Variants in KLF12 observed in about 807,000 individuals in gnomAD.
The protein encoded by KLF12 is KLF transcription factor 12, also known as Krueppel-like factor 12.
Under a neutral mutation model 37.8 loss-of-function variants are expected in KLF12, and 9 were observed. The ratio of observed to expected loss-of-function variants is 0.24; its 90% CI spans 0.14 to 0.42. The LOEUF is 0.42. KLF12 is among the 10% of genes least tolerant of loss of function. The pLI is 1.00. For synonymous variants in KLF12, 208 were observed against 202.1 expected (o/e 1.03, Z -0.25); for missense variants, 411 against 516.0 (o/e 0.80, Z 1.97).
intron 1 of KLF12, among the ~76,000 whole-genome samples, chr13:74,096,874 T>C (rs187517622): frequency 3.3e-5 from 5 of 152,246 alleles, no homozygotes; most frequent in Admixed American, 2.0e-4. Flanking sequence ...TGGAAAACAG[T>C]TTATAATCTA....
At chr13:74,162,405 T>A in the KLF12 span, among the ~76,000 whole-genome samples, 1 of 152,246 alleles carries the variant, frequency 6.6e-6, no homozygotes, top group African/African-American at 2.4e-5. Flanking sequence ...ACTCAGTTTC[T>A]GCTCTACCAC....
chr13:74,051,658 C>G (rs1190694315), intron 1 of KLF12, among the ~76,000 whole-genome samples: 1 of 151,836 alleles, frequency 6.6e-6, no homozygotes, highest in Non-Finnish European at 1.5e-5. Context: ...GCCATCACAC[C>G]CCGCCCCTAA....
Position 73,687,626 on chromosome 13 carries a change from G to C in KLF12, c.*7864C>G, listed in dbSNP as rs528117256. 6.6e-6 allele frequency: 1 copy of C among 151,978 alleles called. No homozygotes were observed. Among genetic ancestry groups the C allele is most frequent in the Non-Finnish European group, 1.5e-5 (1 of 67,998 alleles). The allele number at this position is 151,978 out of a possible 1,614,324, so 9.4% of individuals were successfully genotyped here. A position where few individuals can be genotyped will look rare whatever the true frequency, so the allele number is the denominator to read the frequency against. ...TAGCAGAAAGGGAAGATGTTGGTAT[G>C]TCCCTAAAATATCTTACTTTTTGAT... On this transcript the variant is annotated 3_prime_UTR_variant, in exon 8 of 8. Transcript: ENST00000377669.
chr13:74,243,434 T>C, the KLF12 span, among the ~76,000 whole-genome samples: 1 of 152,226 alleles, frequency 6.6e-6, no homozygotes, highest in South Asian at 2.1e-4. Flanking sequence ...TGTGTCTTTA[T>C]AGTAGGATGA....
At chr13:74,027,155 A>C (rs184756971) in intron 1 of KLF12, among the ~76,000 whole-genome samples, 1 of 152,356 alleles carries the variant, frequency 6.6e-6, no homozygotes, top group Non-Finnish European at 1.5e-5. Context: ...ATACGAATCA[A>C]CTGCTTATCA....
the KLF12 span, among the ~76,000 whole-genome samples, chr13:74,234,696 A>G: frequency 6.6e-6 from 1 of 152,114 alleles, no homozygotes; most frequent in African/African-American, 2.4e-5. Flanking sequence ...ACCATTCAGT[A>G]GATTCACTTA....
At chr13:74,065,539 A>T (rs1027015507) in intron 1 of KLF12, among the ~76,000 whole-genome samples, 1 of 152,130 alleles carries the variant, frequency 6.6e-6, no homozygotes, top group Admixed American at 6.6e-5. Context: ...TCTACATGAA[A>T]ATTTTTGTCA....
rs543106914 is a variant in KLF12, at chr13:74,109,906, G to A, written c.-32+23833C>T. 6.6e-5 allele frequency among the ~76,000 whole-genome samples: 10 copies of A among 152,172 alleles called. No homozygotes were observed. The East Asian group carries it at 1.9e-3, about 29-fold the overall frequency. The stretch of plus-strand genomic sequence containing the variant: ...ACTGGCAGTATATATCACATTTCTA[G>A]AGAAACAAAATAATTAGGAAAGTCA... On this transcript the variant is annotated intron_variant, in intron 1 of 7. Transcript: ENST00000377669.
intron 6 of KLF12, among the ~76,000 whole-genome samples, chr13:73,735,771 T>C (rs964760338): frequency 6.6e-6 from 1 of 152,194 alleles, no homozygotes; most frequent in Admixed American, 6.5e-5. Context: ...GTATTTAATC[T>C]GCAGAACAAC....
the KLF12 span, among the ~76,000 whole-genome samples, chr13:74,277,056 C>A: frequency 6.6e-6 from 1 of 152,190 alleles, no homozygotes; most frequent in African/African-American, 2.4e-5. Flanking sequence ...TCATCTGTTT[C>A]TGTCTTGGGA....
chr13:73,696,694 G>A (rs944623099), intron 7 of KLF12, among the ~76,000 whole-genome samples: 8 of 152,162 alleles, frequency 5.3e-5, no homozygotes, highest in Admixed American at 3.9e-4. Flanking sequence ...CATGCACAAA[G>A]CTACAAAGGG....
chr13:74,213,198 A>T, the KLF12 span, among the ~76,000 whole-genome samples: 3 of 152,064 alleles, frequency 2.0e-5, no homozygotes, highest in Non-Finnish European at 4.4e-5. Flanking sequence ...GTACTAAAAC[A>T]TCTTTTTTTT....
the KLF12 span, among the ~76,000 whole-genome samples, chr13:74,248,618 T>C: frequency 6.6e-6 from 1 of 152,200 alleles, no homozygotes; most frequent in African/African-American, 2.4e-5. Flanking sequence ...TATAGTCAGC[T>C]GTTTAAACAT....
At chr13:73,917,273 A>AC (rs1162557299) in intron 3 of KLF12, among the ~76,000 whole-genome samples, 3 of 152,162 alleles carry the variant, frequency 2.0e-5, no homozygotes, top group Non-Finnish European at 1.5e-5. Context: ...CACTTACTAT[A>AC]CTAATAAATC....
chr13:74,254,664 T>C, the KLF12 span, among the ~76,000 whole-genome samples: 1 of 152,166 alleles, frequency 6.6e-6, no homozygotes, highest in African/African-American at 2.4e-5. Context: ...AGTTTATAGG[T>C]AGCCTCTTCC....
intron 2 of KLF12, among the ~76,000 whole-genome samples, chr13:73,983,958 G>A (rs1891753261): frequency 6.6e-6 from 1 of 152,206 alleles, no homozygotes; most frequent in African/African-American, 2.4e-5. Context: ...TCCTCATGTG[G>A]AGACGTCCAT....
the KLF12 span, among the ~76,000 whole-genome samples, chr13:74,290,501 A>G: frequency 2.0e-5 from 3 of 152,222 alleles, no homozygotes; most frequent in Non-Finnish European, 4.4e-5. Context: ...GAAAAGGTTA[A>G]TTTGAATAAG....
upstream of KLF12, among the ~76,000 whole-genome samples, chr13:74,136,841 G>A (rs189669006): frequency 8.4e-4 from 127 of 151,888 alleles, 1 homozygote; most frequent in Middle Eastern, 0.01. Context: ...AAAAATTGTT[G>A]ACAGATATGG....
Position 74,126,790 on chromosome 13 carries a change from T to C in KLF12, c.-32+6949A>G, listed in dbSNP as rs1028770768. 5.9e-5 allele frequency among the ~76,000 whole-genome samples: 9 copies of C among 152,182 alleles called. No individual in the cohort carries two copies. In the South Asian group the frequency reaches 8.3e-4, roughly 14 times the overall value. ...GATGTTCGTAAGTCAAAATCCAGTATATAAATGGCATTTCAGAGGTGACAC... is the reference window on the plus strand; with the variant it reads ...GATGTTCGTAAGTCAAAATCCAGTACATAAATGGCATTTCAGAGGTGACAC... On this transcript the variant is annotated intron_variant, in intron 1 of 7. Transcript: ENST00000377669.
Sources: gnomAD v4.1 joint callset for allele counts (sites outside exome capture counted in the v4.1 genomes callset) on GRCh38, gnomAD v4.1.1 for gene constraint, MANE v1.5 for transcripts, NCBI Gene and HGNC (gene_info 2026-07-23, HGNC 2026-07-21) for gene names.